Variants in ADAMTS18 observed in about 807,000 individuals in gnomAD.
ADAMTS18 encodes ADAM metallopeptidase with thrombospondin type 1 motif 18.
Under a neutral mutation model 165.9 loss-of-function variants are expected in ADAMTS18, and 157 were observed. The ratio of observed to expected loss-of-function variants is 0.95; its 90% CI spans 0.83 to 1.08. The LOEUF (loss-of-function observed/expected upper bound fraction) is 1.08, where lower values mean the gene tolerates loss of function less well. ADAMTS18 is among the 50% of genes least tolerant of loss of function. ADAMTS18 has a pLI of 0.00. For synonymous variants in ADAMTS18, 782 were observed against 578.2 expected (o/e 1.35, Z -5.06); for missense variants, 2,040 against 1,534.0 (o/e 1.33, Z -5.51).
At chr16:77,305,075 G>A (rs956204692) in intron 16 of ADAMTS18, among the ~76,000 whole-genome samples, 2 of 151,278 alleles carry the variant, frequency 1.3e-5, no homozygotes, top group African/African-American at 2.4e-5. Context: ...ACATCAGCTC[G>A]TAAAGGCCTT....
intron 3 of ADAMTS18, among the ~76,000 whole-genome samples, chr16:77,376,423 C>A (rs2056953466): frequency 6.6e-6 from 1 of 152,162 alleles, no homozygotes; most frequent in South Asian, 2.1e-4. Context: ...CCATATCAGG[C>A]CCCAAGTCCA....
At chr16:77,314,689 T>C (rs2055850137) in intron 16 of ADAMTS18, among the ~76,000 whole-genome samples, 1 of 128,098 alleles carries the variant, frequency 7.8e-6, no homozygotes, top group African/African-American at 3.0e-5. Context: ...GATTGATAGA[T>C]AGTGCGGGCC....
chr16:77,400,225 C>G (rs926615947), intron 3 of ADAMTS18, among the ~76,000 whole-genome samples: 1 of 152,146 alleles, frequency 6.6e-6, no homozygotes, highest in African/African-American at 2.4e-5. Flanking sequence ...TCAGGCTAAG[C>G]TCAGCCTTGC....
At chr16:77,325,021 A>C (rs1230230913) in intron 13 of ADAMTS18, among the ~76,000 whole-genome samples, 1 of 152,230 alleles carries the variant, frequency 6.6e-6, no homozygotes, top group South Asian at 2.1e-4. Context: ...TACTTGTTAT[A>C]GTGATGCCTG....
chr16:77,298,822 A>T (rs867758183), intron 17 of ADAMTS18, among the ~76,000 whole-genome samples: 2 of 152,174 alleles, frequency 1.3e-5, no homozygotes, highest in African/African-American at 4.8e-5. Flanking sequence ...AAAAATCAAC[A>T]TTCCTTGAAG....
At chr16:77,291,595 C>T (rs1303105065) in intron 20 of ADAMTS18, 117 bp from the exon 21 acceptor site, 1 of 1,002,544 alleles carries the variant, frequency 1.0e-6, no homozygotes, top group African/African-American at 1.6e-5. Flanking sequence ...TGGGATTACA[C>T]AAGGTCAACC....
At position 77,386,176 on chromosome 16, in the gene ADAMTS18, G is replaced by A. The variant is rs559576103; in HGVS notation, c.496-18453C>T. Among the ~76,000 whole-genome samples the A allele has an allele frequency of 1.6e-4, 25 of 152,222 alleles. No individual in the cohort carries two copies. The South Asian group carries it at 3.1e-3, about 19-fold the overall frequency. On this transcript the variant is annotated intron_variant, in intron 3 of 22. Coordinates refer to ENST00000282849, the MANE Select transcript of ADAMTS18 (RefSeq NM_199355.4). ...GACAGCAAGCTCCCTGGACAGCCTC[G>A]TGTACACTCAGCAGTAAAAGTGTTT... is the stretch of plus-strand genomic sequence containing the variant.
chr16:77,407,980 C>T (rs973055559), intron 3 of ADAMTS18, among the ~76,000 whole-genome samples: 3 of 151,766 alleles, frequency 2.0e-5, no homozygotes, highest in South Asian at 4.2e-4. Flanking sequence ...AAAAGGCATA[C>T]CAGGATGTAC....
chr16:77,326,171 G>T (rs995885159), intron 12 of ADAMTS18, 133 bp from the exon 13 acceptor site: 9 of 867,348 alleles, frequency 1.0e-5, no homozygotes, highest in Non-Finnish European at 1.5e-5. Flanking sequence ...TCTATTACAG[G>T]AATGGAAGTA....
At chr16:77,409,871 T>C (rs2057438686) in intron 3 of ADAMTS18, among the ~76,000 whole-genome samples, 1 of 152,150 alleles carries the variant, frequency 6.6e-6, no homozygotes, top group South Asian at 2.1e-4. Flanking sequence ...TTAAGACCTA[T>C]AGTGCTAGAA....
chr16:77,421,729 T>G (rs1035017466), intron 3 of ADAMTS18, among the ~76,000 whole-genome samples: 1 of 152,148 alleles, frequency 6.6e-6, no homozygotes, highest in African/African-American at 2.4e-5. Context: ...GTATTTGACA[T>G]GTCAGCTTTT....
Position 77,282,925 on chromosome 16 carries a change from T to TTCC in ADAMTS18, c.*1030_*1031insGGA, listed in dbSNP as rs4038556. ...TTCTCTCTTTTTTTTTTTTTTTTTT[T>TTCC]TGCTGTTAGCTCAATCCTAGGGCAA... On this transcript the variant is annotated 3_prime_UTR_variant, in exon 23 of 23. Transcript: ENST00000282849. 55 of 125,578 alleles carry TTCC rather than the reference T, an allele frequency of 4.4e-4. No individual in the cohort carries two copies. Among genetic ancestry groups the TTCC allele is most frequent in the Admixed American group, 4.0e-3 (48 of 12,114 alleles). The allele number at this position is 125,578 out of a possible 1,614,324, so 7.8% of individuals were successfully genotyped here.
intron 3 of ADAMTS18, among the ~76,000 whole-genome samples, chr16:77,429,498 C>G (rs1015936340): frequency 6.6e-5 from 10 of 152,144 alleles, no homozygotes; most frequent in African/African-American, 2.2e-4. Flanking sequence ...GGCTTAATAT[C>G]TGGGTGATGA....
rs562768075 is a variant in ADAMTS18, at chr16:77,409,264, C to T, written c.495+22031G>A. ...GAAATATTCTTCAAAGGAGAGAAAGCGGTATGTAGGATTGCAGAAGCACCT... is the reference window on the plus strand; with the variant it reads ...GAAATATTCTTCAAAGGAGAGAAAGTGGTATGTAGGATTGCAGAAGCACCT... On this transcript the variant is annotated intron_variant, in intron 3 of 22. Transcript: ENST00000282849. 2.6e-5 allele frequency among the ~76,000 whole-genome samples: 4 copies of T among 152,102 alleles called. No individual in the cohort carries two copies. In the East Asian group the frequency reaches 5.8e-4, roughly 22 times the overall value.
intron 3 of ADAMTS18, among the ~76,000 whole-genome samples, chr16:77,395,989 T>C (rs1006487388): frequency 1.3e-5 from 2 of 152,228 alleles, no homozygotes; most frequent in Non-Finnish European, 2.9e-5. Flanking sequence ...CAATGTCATT[T>C]AGTATTCCTA....
chr16:77,307,227 C>T (rs1194448166), intron 16 of ADAMTS18, among the ~76,000 whole-genome samples: 1 of 152,168 alleles, frequency 6.6e-6, no homozygotes, highest in Non-Finnish European at 1.5e-5. Flanking sequence ...TCCTGTGTCT[C>T]ACGGAAAGAA....
At chr16:77,299,401 C>T (rs1334632249) in intron 17 of ADAMTS18, among the ~76,000 whole-genome samples, 6 of 152,082 alleles carry the variant, frequency 3.9e-5, no homozygotes, top group Non-Finnish European at 8.8e-5. Flanking sequence ...AGTATTTTTT[C>T]ATACTTTGTT....
chr16:77,408,201 T>C (rs2057416636), intron 3 of ADAMTS18, among the ~76,000 whole-genome samples: 2 of 152,010 alleles, frequency 1.3e-5, no homozygotes, highest in African/African-American at 4.8e-5. Flanking sequence ...AACACAAAAA[T>C]ACCAAGTACT....
intron 4 of ADAMTS18, among the ~76,000 whole-genome samples, chr16:77,365,562 G>T (rs12446599): frequency 0.37 from 56,994 of 152,012 alleles, 13,251 homozygotes; most frequent in African/African-American, 0.62. Context: ...ACTGGCAAAG[G>T]GTGCGCACCA....
Sources: gnomAD v4.1 joint callset for allele counts (sites outside exome capture counted in the v4.1 genomes callset) on GRCh38, gnomAD v4.1.1 for gene constraint, MANE v1.5 for transcripts, NCBI Gene and HGNC (gene_info 2026-07-23, HGNC 2026-07-21) for gene names.